MYOM1: variants seen among roughly 807,000 people sequenced by gnomAD.
MYOM1 encodes the protein myomesin-1.
In MYOM1, 164 loss-of-function variants were observed where a neutral mutation model predicts 205.3. The observed-to-expected ratio is 0.80, with a 90% confidence interval of 0.70 to 0.91. The LOEUF (loss-of-function observed/expected upper bound fraction) is 0.91, where lower values mean the gene tolerates loss of function less well. MYOM1 is among the 40% of genes least tolerant of loss of function. MYOM1 has a pLI of 0.00. For missense variants in MYOM1, 2,011 were observed against 2,127.3 expected (o/e 0.95, Z 1.08); for synonymous variants, 772 against 789.4 (o/e 0.98, Z 0.37).
At chr18:3,183,353 C>T (rs2080766493) in intron 5 of MYOM1, among the ~76,000 whole-genome samples, 1 of 152,134 alleles carries the variant, frequency 6.6e-6, no homozygotes. Context: ...ATGTGTGTGC[C>T]CTTATTCAGT....
intron 12 of MYOM1, among the ~76,000 whole-genome samples, chr18:3,151,355 T>C (rs1387017354): frequency 6.6e-6 from 1 of 151,724 alleles, no homozygotes; most frequent in African/African-American, 2.4e-5. Flanking sequence ...ATAAAAATGC[T>C]CTCCAGCCTC....
At position 3,116,442 on chromosome 18, in the gene MYOM1, G is replaced by A; in HGVS notation, c.3192C>T (p.His1064=). Residue 1064 remains histidine, a synonymous_variant, in exon 21 of 38, where the codon CAC becomes CAT. Coordinates refer to ENST00000356443, the MANE Select transcript of MYOM1 (RefSeq NM_003803.4). ...AACCAGTGACCGGAGTCCGCCCGGA[G>A]TGGACTGGCGGCTTCCACTGGAGAA... ...SLVLQWKPPV[H]SGRTPVTGYF... The A allele has an allele frequency of 1.2e-6, 2 of 1,613,322 alleles. No homozygotes were observed. Among genetic ancestry groups the A allele is most frequent in the Non-Finnish European group, 1.7e-6 (2 of 1,179,506 alleles).
Position 3,083,756 on chromosome 18 carries a change from T to C in MYOM1, c.4484+33A>G, listed in dbSNP as rs2079116687. On this transcript the variant is annotated intron_variant, in intron 33 of 37. Coordinates refer to ENST00000356443, the MANE Select transcript of MYOM1 (RefSeq NM_003803.4). ...CTGCCGCGCCTGGCAGGGAAAGAAT[T>C]TCTACACAGCAAGTAAGTTCTCATT... 2.6e-6 allele frequency: 4 copies of C among 1,523,536 alleles called. No individual in the cohort carries two copies. In the East Asian group the frequency reaches 9.8e-5, roughly 37 times the overall value. The allele number at this position is 1,523,536 out of a possible 1,614,324, so 94.4% of individuals were successfully genotyped here. A position where few individuals can be genotyped will look rare whatever the true frequency, so the allele number is the denominator to read the frequency against.
In MYOM1 at chr18:3,134,013, C is replaced by T. The variant is rs908016047; in HGVS notation, c.2384+637G>A. 2.0e-5 allele frequency among the ~76,000 whole-genome samples: 3 copies of T among 152,118 alleles called. No homozygotes were observed. The East Asian group carries it at 5.8e-4, about 29-fold the overall frequency. Reference sequence around the variant, plus strand: ...GAGTAGCTGGGACTACAGCACACCACCATGCTGGGCTGATTTTTGTATTTT... The same window carrying T: ...GAGTAGCTGGGACTACAGCACACCATCATGCTGGGCTGATTTTTGTATTTT... On this transcript the variant is annotated intron_variant, in intron 16 of 37. Coordinates refer to ENST00000356443, the MANE Select transcript of MYOM1 (RefSeq NM_003803.4).
chr18:3,130,996 T>G (rs192639613), intron 17 of MYOM1, among the ~76,000 whole-genome samples: 1 of 152,248 alleles, frequency 6.6e-6, no homozygotes. Context: ...GGCTCTGGCA[T>G]AGACCAAATG....
At chr18:3,136,848 A>T (rs1248106268) in intron 14 of MYOM1, among the ~76,000 whole-genome samples, 1 of 152,252 alleles carries the variant, frequency 6.6e-6, no homozygotes, top group African/African-American at 2.4e-5. Flanking sequence ...CTGAAGAGCA[A>T]ATCACATAAG....
rs199980922 is a variant in MYOM1, at chr18:3,067,301, G to T, written c.5019C>A (p.Ala1673=). The change falls in exon 38 of 38, where the codon GCC becomes GCA. Residue 1673 remains alanine (A), a synonymous_variant. Transcript: ENST00000356443. ...VFIPEEEARM[A]ALESLKGGKK... is the part of the protein sequence containing the mutation. ...TGCCACCTTTCAGGGACTCCAAGGC[G>T]GCCATCCTCGCCTCCTCCTCTGGGA... 6.2e-7 allele frequency: 1 copy of T among 1,610,268 alleles called. No homozygotes were observed. The highest frequency in any genetic ancestry group is 8.5e-7 in the Non-Finnish European group (1 of 1,179,204).
At chr18:3,074,028 CA>C (rs750725399) in intron 36 of MYOM1, among the ~76,000 whole-genome samples, 2 of 152,122 alleles carry the variant, frequency 1.3e-5, no homozygotes, top group Admixed American at 6.6e-5. Flanking sequence ...CCATAGCTTA[CA>C]AAAGTTTACA....
chr18:3,130,355 G>A (rs1435415272), intron 17 of MYOM1, among the ~76,000 whole-genome samples: 2 of 151,744 alleles, frequency 1.3e-5, no homozygotes, highest in Non-Finnish European at 2.9e-5. Context: ...TATGTTATAA[G>A]GAATATGAAA....
At chr18:3,174,031 T>C (rs781688928) in intron 7 of MYOM1, 31 bp from the exon 8 acceptor site, 15 of 1,609,782 alleles carry the variant, frequency 9.3e-6, no homozygotes, top group Non-Finnish European at 1.3e-5. Flanking sequence ...GCATGTGAAC[T>C]GCTTTGTGAT....
chr18:3,158,092 A>T (rs1361642326), intron 10 of MYOM1, among the ~76,000 whole-genome samples: 2 of 152,224 alleles, frequency 1.3e-5, no homozygotes, highest in Non-Finnish European at 2.9e-5. Flanking sequence ...TAATCAAAAA[A>T]TATGTTAAAA....
intron 13 of MYOM1, among the ~76,000 whole-genome samples, chr18:3,147,591 T>C (rs2080148563): frequency 6.6e-6 from 1 of 152,058 alleles, no homozygotes; most frequent in Non-Finnish European, 1.5e-5. Flanking sequence ...AAAATTTATA[T>C]ATGAAAAAAT....
In MYOM1 at chr18:3,215,200, C is replaced by T; in HGVS notation, c.24G>A (p.Arg8=). The change falls in exon 2 of 38, where the codon AGG becomes AGA. Residue 8 remains arginine (R), a synonymous_variant. Coordinates refer to ENST00000356443, the MANE Select transcript of MYOM1 (RefSeq NM_003803.4). MSLPFYQ[R]CHQHYDLSYR... is the part of the protein sequence containing the mutation. ...AGCTGAGATCATAGTGCTGGTGGCA[C>T]CTCTGATAAAAAGGCAAAGACATCC... The T allele has an allele frequency of 6.2e-7, 1 of 1,612,004 alleles. No homozygotes were observed. Among genetic ancestry groups the T allele is most frequent in the Non-Finnish European group, 8.5e-7 (1 of 1,178,994 alleles).
In MYOM1 at chr18:3,215,070, C is replaced by G. The variant is rs911180650; in HGVS notation, c.154G>C (p.Ala52Pro). 6.2e-7 allele frequency: 1 copy of G among 1,613,430 alleles called. No individual in the cohort carries two copies. Among genetic ancestry groups the G allele is most frequent in the African/African-American group, 1.3e-5 (1 of 74,934 alleles). Residue 52 changes from alanine (A) to proline (P), a missense_variant, in exon 2 of 38, where the codon GCC (alanine) becomes CCC (proline). By Grantham distance (27) the Ala-to-Pro change is conservative (BLOSUM62 -1). Transcript: ENST00000356443. ...GSTAYSSRSS[A>P]AHRRESEAFR... ...GCCTCGGACTCCCGGCGGTGCGCGG[C>G]GGAGGAGCGGCTGCTGTAGGCCGTG...
chr18:3,139,324 G>A (rs1004436564), intron 14 of MYOM1, among the ~76,000 whole-genome samples: 1 of 152,194 alleles, frequency 6.6e-6, no homozygotes, highest in Non-Finnish European at 1.5e-5. Flanking sequence ...AGCTCAAGAC[G>A]TAAGACACCT....
intron 2 of MYOM1, among the ~76,000 whole-genome samples, chr18:3,212,268 T>C (rs576214400): frequency 6.6e-6 from 1 of 152,074 alleles, no homozygotes; most frequent in Non-Finnish European, 1.5e-5. Flanking sequence ...AATATATACA[T>C]AGTAGGAAGG....
At chr18:3,082,340 C>T (rs1488178971) in intron 33 of MYOM1, among the ~76,000 whole-genome samples, 1 of 152,300 alleles carries the variant, frequency 6.6e-6, no homozygotes, top group African/African-American at 2.4e-5. Context: ...TGCCTAGGCT[C>T]AGCCTTGACC....
rs2079062082 is a variant in MYOM1 at position 3,079,633 on chromosome 18, T to C, written c.4485-291A>G. Among the ~76,000 whole-genome samples the C allele has an allele frequency of 2.6e-5, 4 of 151,816 alleles. No homozygotes were observed. The South Asian group carries it at 8.4e-4, about 32-fold the overall frequency. On this transcript the variant is annotated intron_variant, in intron 33 of 37. Coordinates refer to ENST00000356443, the MANE Select transcript of MYOM1 (RefSeq NM_003803.4). ...TACTTCTCGGTGGCATTAATTATCT[T>C]TGTTTTTGTTTGGGTTTATTTGTAG...
At chr18:3,160,060 CCTTCTT>C (rs1242061751) in intron 10 of MYOM1, among the ~76,000 whole-genome samples, 18 of 147,982 alleles carry the variant, frequency 1.2e-4, no homozygotes, top group African/African-American at 1.5e-4. Context: ...TCCTCCTCCT[CCTTCTT>C]CTTCTTCTCT....
Sources: gnomAD v4.1 joint callset for allele counts (sites outside exome capture counted in the v4.1 genomes callset) on GRCh38, gnomAD v4.1.1 for gene constraint, MANE v1.5 for transcripts, NCBI Gene and HGNC (gene_info 2026-07-23, HGNC 2026-07-21) for gene names.